Variants in ITGB6 observed in about 807,000 individuals in gnomAD.
ITGB6 encodes integrin subunit beta 6.
ITGB6 carries 80 observed loss-of-function variants against 84.5 expected under a neutral mutation model. The observed-to-expected ratio is 0.95, with a 90% CI of 0.79 to 1.14. ITGB6 has a LOEUF of 1.14. Among genes scored for constraint, ITGB6 ranks in the 50% most tolerant of loss-of-function variants. The probability of loss-of-function intolerance (pLI) is 0.00; values close to 1 mark genes in which losing one functional copy is unlikely to be tolerated. For synonymous variants in ITGB6, 383 were observed against 354.9 expected, an observed-to-expected ratio of 1.08 and a Z score of -0.89; for missense variants, 1,006 against 968.0, an observed-to-expected ratio of 1.04 and a Z score of -0.52.
At chr2:160,196,175 A>G in intron 3 of ITGB6, 41 bp downstream of exon 3, 1 of 1,496,014 alleles carries the variant, frequency 6.7e-7, no homozygotes, top group Non-Finnish European at 9.3e-7. Context: ...ATTACCATAT[A>G]TGACATTAGA....
At chr2:160,133,456 A>G (rs1683554796) in intron 10 of ITGB6, among the ~76,000 whole-genome samples, 1 of 152,168 alleles carries the variant, frequency 6.6e-6, no homozygotes, top group Non-Finnish European at 1.5e-5. Flanking sequence ...ACACAATAAT[A>G]ATGGGAGACT....
In ITGB6 at chr2:160,100,819, T is replaced by C. The variant is rs1044266560; in HGVS notation, c.*917A>G. ...TTTAGAGCCATTTAAAATTTTATTG[T>C]GTTTAACACATGTTCCTTTTATATT... On this transcript the variant is annotated 3_prime_UTR_variant, in exon 15 of 15. Transcript: ENST00000283249. The C allele has an allele frequency of 5.9e-5, 9 of 152,228 alleles. No homozygotes were observed. Among genetic ancestry groups the C allele is most frequent in the Non-Finnish European group, 1.3e-4 (9 of 68,032 alleles). 9.4% of individuals were successfully genotyped at this position (152,228 alleles called of 1,614,324 possible).
At chr2:160,131,788 C>T (rs915666657) in intron 10 of ITGB6, among the ~76,000 whole-genome samples, 5 of 152,182 alleles carry the variant, frequency 3.3e-5, no homozygotes, top group Non-Finnish European at 7.4e-5. Context: ...ATTTCTGTAG[C>T]AATCACTGTA....
rs766349364 is a variant in ITGB6 at position 160,137,650 on chromosome 2, G to T, written c.1444C>A (p.His482Asn). ...GSFQCGVCAC[H>N]PGHMGPRCEC... ...CAGCGAGGCCCCATGTGGCCAGGGT[G>T]GCAGGCACACACCCCACACTGGAAA... The change falls in exon 10 of 15, where the codon CAC (histidine) becomes AAC (asparagine). Residue 482 changes from histidine (H) to asparagine (N), a missense_variant. Coordinates refer to ENST00000283249, the MANE Select transcript of ITGB6 (RefSeq NM_000888.5). 6.2e-7 allele frequency: 1 copy of T among 1,614,186 alleles called. No homozygotes were observed. Among genetic ancestry groups the T allele is most frequent in the Non-Finnish European group, 8.5e-7 (1 of 1,180,022 alleles).
chr2:160,123,046 T>A (rs1162774753), intron 12 of ITGB6, among the ~76,000 whole-genome samples: 2 of 152,140 alleles, frequency 1.3e-5, no homozygotes, highest in Non-Finnish European at 2.9e-5. Flanking sequence ...GTTGGAAGAG[T>A]CAGTCATCAT....
chr2:160,195,696 G>A (rs1226057384), intron 3 of ITGB6, 81 bp from the exon 4 acceptor site: 7 of 1,504,778 alleles, frequency 4.7e-6, no homozygotes, highest in Non-Finnish European at 6.4e-6. Context: ...GGGTCAGCTG[G>A]CTATTTCACC....
chr2:160,196,154 A>G (rs2105898554), intron 3 of ITGB6, 62 bp downstream of exon 3: 1 of 1,316,852 alleles, frequency 7.6e-7, no homozygotes, highest in Non-Finnish European at 1.1e-6. Context: ...ACACATTAGC[A>G]AGGTAGCAGA....
chr2:160,177,820 A>G (rs921953917), intron 4 of ITGB6, among the ~76,000 whole-genome samples: 1 of 152,184 alleles, frequency 6.6e-6, no homozygotes, highest in Non-Finnish European at 1.5e-5. Flanking sequence ...GAGCACTTGA[A>G]GTAGCTGTGG....
chr2:160,181,823 T>G (rs1227735654), intron 4 of ITGB6, among the ~76,000 whole-genome samples: 1 of 152,166 alleles, frequency 6.6e-6, no homozygotes, highest in African/African-American at 2.4e-5. Flanking sequence ...TTCTGTAGCC[T>G]CCGCTGGTGA....
chr2:160,150,832 C>T (rs1465889169), intron 7 of ITGB6, among the ~76,000 whole-genome samples: 1 of 151,910 alleles, frequency 6.6e-6, no homozygotes, highest in Non-Finnish European at 1.5e-5. Flanking sequence ...AGACTTTAAA[C>T]CAACAAAGAT....
intron 7 of ITGB6, among the ~76,000 whole-genome samples, chr2:160,154,313 C>T (rs1437807178): frequency 2.0e-5 from 3 of 152,028 alleles, no homozygotes; most frequent in Non-Finnish European, 4.4e-5. Context: ...ACCCATCATT[C>T]TCAGCAAACT....
chr2:160,185,595 C>G (rs1193890090), intron 4 of ITGB6, among the ~76,000 whole-genome samples: 1 of 152,180 alleles, frequency 6.6e-6, no homozygotes, highest in Non-Finnish European at 1.5e-5. Flanking sequence ...CTACCATTGA[C>G]TTTCTTCACA....
chr2:160,184,262 A>C (rs1050822382), intron 4 of ITGB6, among the ~76,000 whole-genome samples: 1 of 152,246 alleles, frequency 6.6e-6, no homozygotes, highest in Non-Finnish European at 1.5e-5. Context: ...AGAGGGAAGA[A>C]TCAAACAGAC....
intron 12 of ITGB6, among the ~76,000 whole-genome samples, chr2:160,115,113 T>G (rs1473000567): frequency 6.6e-6 from 1 of 151,636 alleles, no homozygotes; most frequent in African/African-American, 2.4e-5. Flanking sequence ...CTCTGCAGAC[T>G]TAAATGTCCC....
At chr2:160,194,897 C>G (rs575581993) in intron 4 of ITGB6, among the ~76,000 whole-genome samples, 102 of 152,224 alleles carry the variant, frequency 6.7e-4, no homozygotes, top group African/African-American at 2.4e-3. Context: ...TAAGAGAAAC[C>G]AATATTTCCC....
At chr2:160,126,978 T>TTA (rs763702468) in intron 10 of ITGB6, among the ~76,000 whole-genome samples, 12 of 152,278 alleles carry the variant, frequency 7.9e-5, no homozygotes, top group Middle Eastern at 3.4e-3. Flanking sequence ...ACATGCCTTA[T>TTA]TATATACCCT....
chr2:160,166,736 T>C (rs1685012895), intron 7 of ITGB6, among the ~76,000 whole-genome samples: 1 of 152,198 alleles, frequency 6.6e-6, no homozygotes, highest in African/African-American at 2.4e-5. Context: ...AAACTATTCA[T>C]AATAATAAGT....
At chr2:160,122,027 T>A (rs1683062625) in intron 12 of ITGB6, among the ~76,000 whole-genome samples, 1 of 151,942 alleles carries the variant, frequency 6.6e-6, no homozygotes, top group Admixed American at 6.6e-5. Context: ...CATAACTGGA[T>A]GAGTAACTTG....
At chr2:160,189,616 C>T (rs1172860991) in intron 4 of ITGB6, among the ~76,000 whole-genome samples, 1 of 152,180 alleles carries the variant, frequency 6.6e-6, no homozygotes, top group Non-Finnish European at 1.5e-5. Context: ...GTCATCATCA[C>T]TGGCCATCAG....
Sources: allele counts gnomAD v4.1 joint callset (sites outside exome capture counted in the v4.1 genomes callset), GRCh38; gene constraint gnomAD v4.1.1; transcripts MANE v1.5; gene names NCBI Gene and HGNC (gene_info 2026-07-23, HGNC 2026-07-21).